The following GSN variants were observed in gnomAD, a reference collection of about 807,000 sequenced individuals.
The protein encoded by GSN is gelsolin, also known as actin-depolymerizing factor.
GSN carries 56 observed loss-of-function variants against 85.7 expected under a neutral mutation model. That is an observed-to-expected ratio of 0.65 (90% confidence interval 0.53 to 0.82). The LOEUF is 0.82. Among genes scored for constraint, GSN ranks in the 40% least tolerant of loss-of-function variants. GSN has a pLI of 0.00. For missense variants in GSN, 857 were observed against 979.8 expected (o/e 0.87, Z 1.67); for synonymous variants, 373 against 399.1 (o/e 0.93, Z 0.78).
intron 2 of GSN, among the ~76,000 whole-genome samples, chr9:121,291,480 G>A (rs903078405): frequency 6.8e-6 from 1 of 147,364 alleles, no homozygotes; most frequent in Admixed American, 6.8e-5. Flanking sequence ...GTGCAGTGGC[G>A]CGATCTCGGC....
intron 4 of GSN, among the ~76,000 whole-genome samples, chr9:121,213,131 T>G (rs1169540826): frequency 6.6e-6 from 1 of 152,222 alleles, no homozygotes; most frequent in Admixed American, 6.5e-5. Flanking sequence ...GTGGGTTCAC[T>G]GCTCGATACC....
At chr9:121,308,292 G>C (rs933570606) in intron 4 of GSN, 1 of 152,330 alleles carries the variant, frequency 6.6e-6, no homozygotes, top group Non-Finnish European at 1.5e-5. Context: ...CCAGCCACTG[G>C]CAACCCAAAA....
intron 5 of GSN, among the ~76,000 whole-genome samples, chr9:121,234,205 T>G (rs1421386739): frequency 6.6e-6 from 1 of 152,130 alleles, no homozygotes. Context: ...CTCACGGCCG[T>G]GCCTAGCTGC....
At chr9:121,313,403 G>A (rs1437602815) in intron 6 of GSN, 1 of 205,280 alleles carries the variant, frequency 4.9e-6, no homozygotes, top group African/African-American at 2.3e-5. Context: ...TTATGGGAAG[G>A]GACCTGGACA....
chr9:121,328,950 G>A lies in GSN; in HGVS notation c.1822G>A (p.Asp608Asn), dbSNP rs536159272. The A allele has an allele frequency of 1.2e-5, 20 of 1,613,940 alleles. No homozygotes were observed. In the East Asian group the frequency reaches 4.2e-4, roughly 34 times the overall value. ...AAYRTSPRLK[D>N]KKMDAHPPRL... is the part of the protein sequence containing the mutation. The stretch of plus-strand genomic sequence containing the variant: ...CTACCGCACATCCCCACGGCTGAAG[G>A]ACAAGAAGATGGATGCCCATCCTCC... Residue 608 changes from aspartate (D) to asparagine (N), a missense_variant, in exon 15 of 18, where the codon GAC becomes AAC. By Grantham distance (23) the Asp-to-Asn change is conservative. Coordinates refer to ENST00000432226, the MANE Select transcript of GSN (RefSeq NM_198252.3).
At chr9:121,205,423 A>C (rs1358938775), upstream of GSN, among the ~76,000 whole-genome samples, 1 of 152,170 alleles carries the variant, frequency 6.6e-6, no homozygotes, top group African/African-American at 2.4e-5. Context: ...CTGGATATCT[A>C]TCTGTTTGGG....
chr9:121,282,604 T>A, intron 2 of GSN: 1 of 928,916 alleles, frequency 1.1e-6, no homozygotes, highest in Non-Finnish European at 1.4e-6. Flanking sequence ...AGCCAGGGAT[T>A]CCCAAAAGGT....
intron 5 of GSN, among the ~76,000 whole-genome samples, chr9:121,236,212 G>GTTGT (rs755471413): frequency 9.2e-5 from 14 of 151,902 alleles, no homozygotes; most frequent in Non-Finnish European, 1.5e-4. Flanking sequence ...TGTTGTTATT[G>GTTGT]TTGTTTGTTT....
intron 1 of GSN, among the ~76,000 whole-genome samples, chr9:121,272,336 C>G (rs2056099625): frequency 6.6e-6 from 1 of 152,200 alleles, no homozygotes; most frequent in Non-Finnish European, 1.5e-5. Flanking sequence ...GGGCTTGGGT[C>G]CTGGCTTTGC....
chr9:121,234,409 C>T (rs1056387799), intron 5 of GSN, among the ~76,000 whole-genome samples: 1 of 152,180 alleles, frequency 6.6e-6, no homozygotes, highest in East Asian at 1.9e-4. Flanking sequence ...CGATCCCTTC[C>T]GGAGGGGAGC....
At chr9:121,289,220 A>G (rs1171251987) in intron 2 of GSN, among the ~76,000 whole-genome samples, 1 of 151,600 alleles carries the variant, frequency 6.6e-6, no homozygotes, top group East Asian at 1.9e-4. Context: ...TTGGATGCCA[A>G]AGAGTGGGAG....
At chr9:121,202,451 C>A in the GSN span, among the ~76,000 whole-genome samples, 1 of 152,180 alleles carries the variant, frequency 6.6e-6, no homozygotes, top group Admixed American at 6.5e-5. Context: ...CAAGATCACG[C>A]AGCTAGGAAG....
intron 2 of GSN, among the ~76,000 whole-genome samples, chr9:121,296,613 G>A (rs778737885): frequency 2.0e-5 from 3 of 152,168 alleles, no homozygotes; most frequent in Non-Finnish European, 2.9e-5. Flanking sequence ...ACAGTGACTT[G>A]CCCAAGGTCA....
At chr9:121,227,926 A>G (rs2054301454) in intron 4 of GSN, among the ~76,000 whole-genome samples, 1 of 152,112 alleles carries the variant, frequency 6.6e-6, no homozygotes, top group Non-Finnish European at 1.5e-5. Context: ...TTCAGCCTGG[A>G]CATCCCGGGG....
intron 1 of GSN, among the ~76,000 whole-genome samples, chr9:121,270,447 G>A (rs769435995): frequency 1.5e-4 from 23 of 152,194 alleles, no homozygotes; most frequent in Non-Finnish European, 2.9e-4. Flanking sequence ...GTCTGAACTA[G>A]AGCAGTGGCC....
Position 121,315,259 on chromosome 9 carries a change from A to G in GSN, c.753+1236A>G, listed in dbSNP as rs532631165. 2.4e-4 allele frequency among the ~76,000 whole-genome samples: 37 copies of G among 152,300 alleles called. No homozygotes were observed. In the South Asian group the frequency reaches 7.3e-3, roughly 30 times the overall value. ...GAATATCTTTCTATAATAAATCTCA[A>G]CACGACCCTTTATAACAGCTGTATA... On this transcript the variant is annotated intron_variant, in intron 7 of 17. Coordinates refer to ENST00000432226, the MANE Select transcript of GSN (RefSeq NM_198252.3).
chr9:121,282,650 G>A (rs1429884669), intron 2 of GSN: 2 of 528,868 alleles, frequency 3.8e-6, no homozygotes, highest in East Asian at 3.5e-5. Context: ...CCCCATCAGC[G>A]GCTATCCAAA....
At chr9:121,277,925 CAAACAAGG>C (rs1023909591) in intron 1 of GSN, among the ~76,000 whole-genome samples, 38 of 152,110 alleles carry the variant, frequency 2.5e-4, no homozygotes, top group Middle Eastern at 6.8e-3. Flanking sequence ...CAATAACAAA[CAAACAAGG>C]AAGAATATGC....
chr9:121,272,685 T>C (rs1331967085), intron 1 of GSN, among the ~76,000 whole-genome samples: 1 of 152,228 alleles, frequency 6.6e-6, no homozygotes, highest in East Asian at 1.9e-4. Context: ...AGGGCCACCA[T>C]ATGTAACACA....
Sources: gnomAD v4.1 joint callset for allele counts (sites outside exome capture counted in the v4.1 genomes callset) on GRCh38, gnomAD v4.1.1 for gene constraint, MANE v1.5 for transcripts, NCBI Gene and HGNC (gene_info 2026-07-23, HGNC 2026-07-21) for gene names.